ZBTB7C: variants seen among roughly 807,000 people sequenced by gnomAD.
ZBTB7C encodes the protein zinc finger and BTB domain-containing protein 7C.
Under a neutral mutation model 25.7 loss-of-function variants are expected in ZBTB7C, and 8 were observed. That is an observed-to-expected ratio of 0.31 (90% CI 0.18 to 0.56). ZBTB7C has a LOEUF of 0.56. Ranked by LOEUF, ZBTB7C falls within the 20% of genes least tolerant of loss-of-function variation. The pLI, the probability that ZBTB7C is intolerant of heterozygous loss-of-function variation, is 0.91. For missense variants in ZBTB7C, 824 were observed against 855.2 expected (o/e 0.96, Z 0.46); for synonymous variants, 394 against 369.0 (o/e 1.07, Z -0.78).
intron 2 of ZBTB7C, among the ~76,000 whole-genome samples, chr18:48,318,016 C>T (rs950953188): frequency 4.0e-5 from 6 of 149,278 alleles, no homozygotes; most frequent in African/African-American, 4.9e-5. Flanking sequence ...CCTACTGAGG[C>T]GCATGCGCAC....
intron 1 of ZBTB7C, among the ~76,000 whole-genome samples, chr18:48,388,795 G>A (rs748545445): frequency 2.0e-5 from 3 of 152,194 alleles, no homozygotes; most frequent in Non-Finnish European, 4.4e-5. Context: ...TAGTATCACA[G>A]AAGTTGGAGC....
chr18:48,307,551 G>A (rs2045704640), intron 2 of ZBTB7C, among the ~76,000 whole-genome samples: 4 of 152,186 alleles, frequency 2.6e-5, no homozygotes. Context: ...GTATAATGCT[G>A]TTTAAAACCC....
intron 2 of ZBTB7C, among the ~76,000 whole-genome samples, chr18:48,317,213 C>T (rs185323207): frequency 1.1e-4 from 16 of 142,900 alleles, no homozygotes; most frequent in Non-Finnish European, 1.5e-5. Flanking sequence ...GCTGAGATTG[C>T]GCCACTGCAA....
chr18:48,282,731 A>C (rs535934533), intron 2 of ZBTB7C, among the ~76,000 whole-genome samples: 1 of 152,346 alleles, frequency 6.6e-6, no homozygotes, highest in South Asian at 2.1e-4. Flanking sequence ...CCTAAAGTTG[A>C]GTAAAATAAG....
At position 48,128,237 on chromosome 18, in the gene ZBTB7C, C is replaced by A. The variant is rs140309342; in HGVS notation, c.-17+57697G>T. ...TCACTCTGGCCCTTCATCCTCCTCT[C>A]CATTTAGCCGCCTGCCAGGCTGTTC... On this transcript the variant is annotated intron_variant, in intron 3 of 4. Coordinates refer to ENST00000590800, the MANE Select transcript of ZBTB7C (RefSeq NM_001318841.2). Among the ~76,000 whole-genome samples, 11 of 152,320 alleles carry A rather than the reference C, an allele frequency of 7.2e-5. No homozygotes were observed. In the East Asian group the frequency reaches 1.5e-3, roughly 21 times the overall value.
At chr18:48,205,107 G>T (rs1483309319) in intron 2 of ZBTB7C, among the ~76,000 whole-genome samples, 2 of 152,120 alleles carry the variant, frequency 1.3e-5, no homozygotes, top group Admixed American at 6.5e-5. Flanking sequence ...ACTGTAGGAA[G>T]ATTTTCAGGG....
At chr18:48,092,162 G>A (rs1025982274) in intron 3 of ZBTB7C, among the ~76,000 whole-genome samples, 8 of 152,196 alleles carry the variant, frequency 5.3e-5, no homozygotes, top group African/African-American at 1.7e-4. Context: ...GAGCCCTGGC[G>A]GAAATTACAG....
intron 3 of ZBTB7C, among the ~76,000 whole-genome samples, chr18:48,097,005 C>A (rs1291058660): frequency 6.6e-6 from 1 of 152,212 alleles, no homozygotes; most frequent in Non-Finnish European, 1.5e-5. Context: ...AAGGTATGGT[C>A]GCAGATACAT....
intron 2 of ZBTB7C, among the ~76,000 whole-genome samples, chr18:48,227,702 A>T (rs1486919321): frequency 6.6e-6 from 1 of 152,168 alleles, no homozygotes; most frequent in Non-Finnish European, 1.5e-5. Context: ...ACCCTGCCTT[A>T]CCACAAAAAT....
intron 2 of ZBTB7C, among the ~76,000 whole-genome samples, chr18:48,298,476 C>T (rs75264159): frequency 0.034 from 5,226 of 152,158 alleles, 173 homozygotes; most frequent in African/African-American, 0.084. Flanking sequence ...CCCATCTTGA[C>T]GCCCACCTCC....
At chr18:48,086,349 C>A (rs748866470) in intron 3 of ZBTB7C, among the ~76,000 whole-genome samples, 1 of 152,180 alleles carries the variant, frequency 6.6e-6, no homozygotes, top group African/African-American at 2.4e-5. Flanking sequence ...GAAATATACT[C>A]AAGGTCACAC....
intron 2 of ZBTB7C, among the ~76,000 whole-genome samples, chr18:48,314,383 A>G (rs565709137): frequency 2.2e-4 from 34 of 152,278 alleles, no homozygotes; most frequent in Admixed American, 2.0e-3. Context: ...AAAGCCCCTC[A>G]AGATTCTCAA....
chr18:48,181,987 C>G (rs904940881), intron 3 of ZBTB7C, among the ~76,000 whole-genome samples: 2 of 152,130 alleles, frequency 1.3e-5, no homozygotes, highest in African/African-American at 4.8e-5. Flanking sequence ...TAATCCAAAC[C>G]AGGCCAGGAG....
chr18:48,324,394 G>C (rs970474562), intron 2 of ZBTB7C, among the ~76,000 whole-genome samples: 6 of 152,010 alleles, frequency 3.9e-5, no homozygotes, highest in Non-Finnish European at 7.4e-5. Context: ...GTGTCAGTGA[G>C]GCATGCAGTT....
chr18:48,095,424 C>T (rs570125875), intron 3 of ZBTB7C, among the ~76,000 whole-genome samples: 30 of 152,266 alleles, frequency 2.0e-4, no homozygotes, highest in Admixed American at 1.5e-3. Context: ...ATTATTGGGC[C>T]GAGCACGGTG....
At chr18:48,065,619 C>G (rs1474869186) in intron 3 of ZBTB7C, among the ~76,000 whole-genome samples, 1 of 152,160 alleles carries the variant, frequency 6.6e-6, no homozygotes, top group Non-Finnish European at 1.5e-5. Context: ...GGCTGTTCAG[C>G]TGACAAGAGG....
At chr18:48,172,858 T>C (rs1420710308) in intron 3 of ZBTB7C, among the ~76,000 whole-genome samples, 2 of 152,062 alleles carry the variant, frequency 1.3e-5, no homozygotes, top group African/African-American at 4.8e-5. Context: ...ACACAGACTG[T>C]CGGGAAGGCC....
intron 2 of ZBTB7C, among the ~76,000 whole-genome samples, chr18:48,308,556 C>A (rs1445625281): frequency 6.6e-6 from 1 of 152,094 alleles, no homozygotes. Context: ...CCAATTGGAC[C>A]AATACGTTTG....
intron 3 of ZBTB7C, among the ~76,000 whole-genome samples, chr18:48,081,461 CTT>C (rs916264096): frequency 1.0e-5 from 1 of 98,294 alleles, no homozygotes; most frequent in African/African-American, 3.2e-5. Context: ...TTTTCTTTTT[CTT>C]TTTTTTTTTG....
Sources: allele counts gnomAD v4.1 joint callset (sites outside exome capture counted in the v4.1 genomes callset), GRCh38; gene constraint gnomAD v4.1.1; transcripts MANE v1.5; gene names NCBI Gene and HGNC (gene_info 2026-07-23, HGNC 2026-07-21).